The following MARCHF1 variants were observed in gnomAD, a reference collection of about 807,000 sequenced individuals.
MARCHF1 encodes the protein membrane associated ring-CH-type finger 1.
MARCHF1 carries 40 observed loss-of-function variants against 54.2 expected under a neutral mutation model. The ratio of observed to expected loss-of-function variants is 0.74; its 90% CI spans 0.57 to 0.96. MARCHF1 has a LOEUF of 0.96. Among genes scored for constraint, MARCHF1 ranks in the 40% least tolerant of loss-of-function variants. MARCHF1 has a pLI of 0.00. For synonymous variants in MARCHF1, 236 were observed against 236.3 expected (o/e 1.00, Z 0.01); for missense variants, 586 against 656.5 (o/e 0.89, Z 1.17).
intron 3 of MARCHF1, among the ~76,000 whole-genome samples, chr4:163,916,350 G>T (rs1162927159): frequency 6.6e-6 from 1 of 152,052 alleles, no homozygotes; most frequent in Non-Finnish European, 1.5e-5. Context: ...ATGAAAACTG[G>T]CACCAAAATT....
At position 163,571,415 on chromosome 4, in the gene MARCHF1, G is replaced by A. The variant is rs114375456; in HGVS notation, c.1191+14334C>T. Reference sequence around the variant, plus strand: ...CACGGCAGGTGCTCAGTAAATATTTGTTTACTGAATGAAGGTAAAAATGAT... The same window carrying A: ...CACGGCAGGTGCTCAGTAAATATTTATTTACTGAATGAAGGTAAAAATGAT... On this transcript the variant is annotated intron_variant, in intron 8 of 9. Coordinates refer to ENST00000514618, the MANE Select transcript of MARCHF1 (RefSeq NM_001394959.1). Among the ~76,000 whole-genome samples, 393 of 152,228 alleles carry A rather than the reference G, an allele frequency of 2.6e-3. 2 individuals carry two copies. Among genetic ancestry groups the A allele is most frequent in the Admixed American group, 6.9e-3 (105 of 15,278 alleles).
chr4:163,620,616 G>C (rs1241637467), intron 5 of MARCHF1, among the ~76,000 whole-genome samples: 2,502 of 63,850 alleles, frequency 0.039, 66 homozygotes, highest in African/African-American at 0.11. Flanking sequence ...CAGAGAGAGA[G>C]AGAGAGAGAG....
At chr4:163,923,237 A>C (rs1230558122) in intron 3 of MARCHF1, among the ~76,000 whole-genome samples, 1 of 152,120 alleles carries the variant, frequency 6.6e-6, no homozygotes, top group Non-Finnish European at 1.5e-5. Flanking sequence ...CCCTTCAAAA[A>C]ATCAAAATAT....
chr4:164,356,476 T>C (rs1730541731), intron 1 of MARCHF1, among the ~76,000 whole-genome samples: 1 of 120,876 alleles, frequency 8.3e-6, no homozygotes, highest in Admixed American at 8.2e-5. Context: ...GGGACATGGA[T>C]GAAATTGGAA....
intron 2 of MARCHF1, among the ~76,000 whole-genome samples, chr4:164,064,158 T>C (rs1754680011): frequency 2.0e-5 from 3 of 152,234 alleles, no homozygotes; most frequent in Admixed American, 2.0e-4. Context: ...TTTGTTTGGT[T>C]CCATATGAAT....
chr4:163,844,300 T>A (rs1749425179), intron 4 of MARCHF1, among the ~76,000 whole-genome samples: 1 of 152,154 alleles, frequency 6.6e-6, no homozygotes, highest in Non-Finnish European at 1.5e-5. Flanking sequence ...GTGAATTAAG[T>A]TTTTTATAGA....
chr4:163,582,246 A>T, intron 8 of MARCHF1, among the ~76,000 whole-genome samples: 1 of 152,110 alleles, frequency 6.6e-6, no homozygotes, highest in South Asian at 2.1e-4. Context: ...ATTATTTCTG[A>T]CCTTGGTTAA....
intron 3 of MARCHF1, among the ~76,000 whole-genome samples, chr4:163,917,796 A>C (rs1751342797): frequency 6.6e-6 from 1 of 152,100 alleles, no homozygotes. Context: ...TAGATTCTAG[A>C]TATTAGACCT....
At chr4:164,209,893 C>A in intron 1 of MARCHF1, among the ~76,000 whole-genome samples, 1 of 151,828 alleles carries the variant, frequency 6.6e-6, no homozygotes, top group South Asian at 2.1e-4. Context: ...GAGAAAAGGT[C>A]CAACCATTAA....
At chr4:164,107,329 T>C (rs1039439749) in intron 2 of MARCHF1, among the ~76,000 whole-genome samples, 6 of 152,090 alleles carry the variant, frequency 3.9e-5, no homozygotes, top group Non-Finnish European at 5.9e-5. Flanking sequence ...AATGGTAAAA[T>C]AGATCTAAAA....
At chr4:164,162,035 T>C (rs1469075680) in intron 1 of MARCHF1, among the ~76,000 whole-genome samples, 3 of 151,684 alleles carry the variant, frequency 2.0e-5, no homozygotes, top group Non-Finnish European at 1.5e-5. Context: ...CTAAAAGAAA[T>C]AGAAAAGAAA....
At chr4:164,162,059 G>T (rs1730254070) in intron 1 of MARCHF1, among the ~76,000 whole-genome samples, 1 of 152,070 alleles carries the variant, frequency 6.6e-6, no homozygotes, top group Non-Finnish European at 1.5e-5. Context: ...AACGAAAACA[G>T]CTATCTGCAG....
intron 1 of MARCHF1, among the ~76,000 whole-genome samples, chr4:164,135,028 T>C (rs1403872133): frequency 1.3e-5 from 2 of 152,324 alleles, no homozygotes; most frequent in East Asian, 3.9e-4. Flanking sequence ...TTGATCATTG[T>C]CTTTAAGATC....
At chr4:163,710,028 T>G (rs1046835453) in intron 4 of MARCHF1, among the ~76,000 whole-genome samples, 3 of 152,162 alleles carry the variant, frequency 2.0e-5, no homozygotes, top group African/African-American at 7.2e-5. Flanking sequence ...CTACAAACAC[T>G]CCAAATTTTC....
At chr4:163,878,363 G>A (rs72685658) in intron 3 of MARCHF1, among the ~76,000 whole-genome samples, 37,972 of 152,128 alleles carry the variant, frequency 0.25, 4,991 homozygotes, top group Non-Finnish European at 0.29. Context: ...TAGACAGTCA[G>A]TAGACTGAAT....
intron 1 of MARCHF1, among the ~76,000 whole-genome samples, chr4:164,277,921 G>A (rs1733927368): frequency 6.6e-6 from 1 of 152,166 alleles, no homozygotes. Context: ...ATTGTATATA[G>A]AAAATTGGCT....
intron 4 of MARCHF1, among the ~76,000 whole-genome samples, chr4:163,810,753 A>G (rs1560765716): frequency 1.3e-5 from 2 of 152,222 alleles, no homozygotes; most frequent in South Asian, 2.1e-4. Context: ...TGTCTTTAAT[A>G]CTTTCTGCTA....
intron 3 of MARCHF1, among the ~76,000 whole-genome samples, chr4:163,918,479 GC>G (rs1386389460): frequency 6.6e-6 from 1 of 152,078 alleles, no homozygotes; most frequent in African/African-American, 2.4e-5. Context: ...AAGGTAAGAG[GC>G]CAAAATCTGA....
chr4:163,890,250 T>C (rs1418988424), intron 3 of MARCHF1, among the ~76,000 whole-genome samples: 1 of 152,172 alleles, frequency 6.6e-6, no homozygotes, highest in Admixed American at 6.5e-5. Context: ...TGTTAAACTT[T>C]AAATGTAGGA....
Sources: allele counts gnomAD v4.1 joint callset (sites outside exome capture counted in the v4.1 genomes callset), GRCh38; gene constraint gnomAD v4.1.1; transcripts MANE v1.5; gene names NCBI Gene and HGNC (gene_info 2026-07-23, HGNC 2026-07-21).